ARL15: variants seen among roughly 807,000 people sequenced by gnomAD.
The protein encoded by ARL15 is ADP-ribosylation factor-like protein 15.
A neutral mutation model predicts 25.2 loss-of-function variants in ARL15; 19 were observed. The observed-to-expected ratio is 0.75, with a 90% CI of 0.53 to 1.10. The LOEUF is 1.10. Among genes scored for constraint, ARL15 ranks in the 50% least tolerant of loss-of-function variants. ARL15 has a pLI of 0.00. For synonymous variants in ARL15, 94 were observed against 86.8 expected, an observed-to-expected ratio of 1.08 and a Z score of -0.46; for missense variants, 220 against 246.0, an observed-to-expected ratio of 0.89 and a Z score of 0.71.
chr5:54,087,543 C>CAGAGG (rs1752007138), intron 4 of ARL15, among the ~76,000 whole-genome samples: 1 of 152,106 alleles, frequency 6.6e-6, no homozygotes, highest in Non-Finnish European at 1.5e-5. Context: ...GTTTGGATAG[C>CAGAGG]TAAAAGGAAT....
At chr5:54,017,753 A>G (rs1207778150) in intron 4 of ARL15, among the ~76,000 whole-genome samples, 2 of 151,974 alleles carry the variant, frequency 1.3e-5, no homozygotes, top group Non-Finnish European at 2.9e-5. Context: ...TTCCCATTCC[A>G]TCTGTTCTCT....
intron 3 of ARL15, among the ~76,000 whole-genome samples, chr5:54,147,809 C>T (rs958488422): frequency 3.3e-5 from 5 of 152,236 alleles, no homozygotes; most frequent in African/African-American, 1.2e-4. Flanking sequence ...ATAACCTCTG[C>T]AAGTCTGTCT....
chr5:53,890,702 G>C (rs982827533), intron 4 of ARL15, among the ~76,000 whole-genome samples: 2 of 152,172 alleles, frequency 1.3e-5, no homozygotes, highest in Admixed American at 1.3e-4. Flanking sequence ...TTTTAGCCCT[G>C]TCACCAGAGC....
At chr5:54,081,006 C>G (rs13360233) in intron 4 of ARL15, among the ~76,000 whole-genome samples, 22,794 of 152,018 alleles carry the variant, frequency 0.15, 2,071 homozygotes, top group African/African-American at 0.25. Context: ...CCTCTTAAGG[C>G]CATCAACCCT....
chr5:54,275,691 AT>A (rs111402842), intron 1 of ARL15, among the ~76,000 whole-genome samples: 17,749 of 144,640 alleles, frequency 0.12, 1,315 homozygotes, highest in East Asian at 0.41. Flanking sequence ...TATTTTATTT[AT>A]TTTTTTTTTT....
chr5:54,299,045 C>T (rs1438844711), intron 1 of ARL15, among the ~76,000 whole-genome samples: 5 of 151,834 alleles, frequency 3.3e-5, no homozygotes, highest in Non-Finnish European at 7.4e-5. Flanking sequence ...TTGGGGCCAC[C>T]GGTGCATGCC....
intron 4 of ARL15, among the ~76,000 whole-genome samples, chr5:54,029,953 C>T (rs1020385486): frequency 2.6e-5 from 4 of 151,944 alleles, no homozygotes; most frequent in African/African-American, 9.7e-5. Context: ...GCAGAGATAG[C>T]GCCACTGCAC....
At chr5:54,002,855 G>C (rs759082431) in intron 4 of ARL15, among the ~76,000 whole-genome samples, 18 of 152,212 alleles carry the variant, frequency 1.2e-4, no homozygotes, top group Non-Finnish European at 2.1e-4. Context: ...ATGATTCTGT[G>C]TATCTCTGTC....
intron 4 of ARL15, among the ~76,000 whole-genome samples, chr5:53,917,392 G>A (rs1745686630): frequency 6.6e-6 from 1 of 152,190 alleles, no homozygotes; most frequent in Non-Finnish European, 1.5e-5. Context: ...ACACCTTTTA[G>A]ACAAGGGTTT....
intron 1 of ARL15, among the ~76,000 whole-genome samples, chr5:54,282,109 G>T (rs1758074961): frequency 1.3e-5 from 2 of 152,312 alleles, no homozygotes; most frequent in South Asian, 4.1e-4. Context: ...TCAGTCACAA[G>T]ATATGCTCAT....
At chr5:53,915,424 A>G (rs1190058794) in intron 4 of ARL15, among the ~76,000 whole-genome samples, 5 of 152,226 alleles carry the variant, frequency 3.3e-5, no homozygotes, top group Non-Finnish European at 7.3e-5. Context: ...CTGTGGGAAC[A>G]CAGAAGAGGG....
chr5:54,258,866 T>C (rs1757430797), intron 1 of ARL15, among the ~76,000 whole-genome samples: 1 of 152,170 alleles, frequency 6.6e-6, no homozygotes, highest in Admixed American at 6.5e-5. Flanking sequence ...GGCAGTGTCA[T>C]GGAATGGGGA....
chr5:54,213,865 A>T (rs1447412847), intron 1 of ARL15, among the ~76,000 whole-genome samples: 1 of 152,224 alleles, frequency 6.6e-6, no homozygotes, highest in Non-Finnish European at 1.5e-5. Context: ...GACAAAACTG[A>T]AAAAATCCAT....
At chr5:54,301,473 C>A (rs928508297) in intron 1 of ARL15, among the ~76,000 whole-genome samples, 2 of 151,992 alleles carry the variant, frequency 1.3e-5, no homozygotes, top group Non-Finnish European at 2.9e-5. Context: ...GAACAGGAGT[C>A]TTTAGTTTCA....
chr5:54,279,917 G>A (rs1758011846), intron 1 of ARL15, among the ~76,000 whole-genome samples: 1 of 152,184 alleles, frequency 6.6e-6, no homozygotes, highest in Admixed American at 6.5e-5. Context: ...ACAACTAACT[G>A]CCGGCCTCTT....
At chr5:54,205,918 A>T (rs746524797) in intron 1 of ARL15, among the ~76,000 whole-genome samples, 14 of 152,144 alleles carry the variant, frequency 9.2e-5, no homozygotes, top group Admixed American at 2.6e-4. Flanking sequence ...ACTGTTTAAT[A>T]CTTAAAAAGT....
At chr5:54,306,699 C>A (rs562408061) in intron 1 of ARL15, among the ~76,000 whole-genome samples, 1 of 151,904 alleles carries the variant, frequency 6.6e-6, no homozygotes, top group East Asian at 1.9e-4. Flanking sequence ...CCACACAATA[C>A]GTTAACATTT....
intron 4 of ARL15, among the ~76,000 whole-genome samples, chr5:54,029,083 T>G (rs1032711988): frequency 6.6e-6 from 1 of 151,986 alleles, no homozygotes; most frequent in Non-Finnish European, 1.5e-5. Context: ...CTGCAAATAG[T>G]TGTTTTAGAT....
At chr5:54,038,494 G>A (rs888070788) in intron 4 of ARL15, among the ~76,000 whole-genome samples, 2 of 151,786 alleles carry the variant, frequency 1.3e-5, no homozygotes, top group South Asian at 2.1e-4. Flanking sequence ...GTTCCACCAA[G>A]AGCCCATCAA....
Sources: gnomAD v4.1 joint callset for allele counts (sites outside exome capture counted in the v4.1 genomes callset) on GRCh38, gnomAD v4.1.1 for gene constraint, MANE v1.5 for transcripts, NCBI Gene and HGNC (gene_info 2026-07-23, HGNC 2026-07-21) for gene names.